Variants in RRN3 observed in about 807,000 individuals in gnomAD.
The protein encoded by RRN3 is RNA polymerase I transcription factor RRN3.
In RRN3, 38 loss-of-function variants were observed where a neutral mutation model predicts 82.3. The observed-to-expected ratio is 0.46, with a 90% CI of 0.36 to 0.61. RRN3 has a LOEUF of 0.61. RRN3 is among the 20% of genes least tolerant of loss of function. The pLI is 0.00. For synonymous variants in RRN3, 284 were observed against 284.3 expected, an observed-to-expected ratio of 1.00 and a Z score of 0.01; for missense variants, 726 against 793.1, an observed-to-expected ratio of 0.92 and a Z score of 1.02.
At chr16:15,078,469 G>A (rs1216584399) in intron 9 of RRN3, among the ~76,000 whole-genome samples, 1 of 151,996 alleles carries the variant, frequency 6.6e-6, no homozygotes, top group Non-Finnish European at 1.5e-5. Flanking sequence ...CGTCTTCACT[G>A]ACATGGTCCT....
At position 15,065,342 on chromosome 16, in the gene RRN3, A is replaced by G. The variant is rs191826683; in HGVS notation, c.1583T>C (p.Ile528Thr). 85 of 1,613,648 alleles carry G rather than the reference A, an allele frequency of 5.3e-5. No homozygotes were observed. The East Asian group carries it at 1.8e-3, about 34-fold the overall frequency. Residue 528 changes from isoleucine to threonine, a missense_variant, in exon 16 of 18, where the codon ATC becomes ACC. Around this residue, in one of 4 missense-constraint regions of RRN3, gnomAD observed 166 missense variants for 154.8 expected, o/e 1.07. Coordinates refer to ENST00000198767, the MANE Select transcript of RRN3 (RefSeq NM_018427.5). ...NKYQLVFCYT[I>T]IERNNRQMLP... ...CATCTGGCGATTGTTCCTCTCAATG[A>G]TGGTGTAGCAGAAGACGAGCTGGTA...
At chr16:15,065,103 T>G (rs2151761644) in intron 16 of RRN3, 116 bp downstream of exon 16, 1 of 1,044,254 alleles carries the variant, frequency 9.6e-7, no homozygotes, top group East Asian at 2.4e-5. Flanking sequence ...GAGGCGGAGC[T>G]TGCGGTAAGC....
At chr16:15,071,747 G>A (rs546573436) in intron 12 of RRN3, among the ~76,000 whole-genome samples, 24 of 152,242 alleles carry the variant, frequency 1.6e-4, no homozygotes, top group African/African-American at 4.6e-4. Context: ...CAGCCTGGGT[G>A]ACAGAGTGAG....
chr16:15,065,102 C>A (rs2044906477), intron 16 of RRN3, 117 bp downstream of exon 16: 5 of 1,031,682 alleles, frequency 4.8e-6, no homozygotes, highest in East Asian at 2.4e-5. Flanking sequence ...GGAGGCGGAG[C>A]TTGCGGTAAG....
intron 6 of RRN3, 129 bp downstream of exon 6, chr16:15,085,510 G>C (rs1234098699): frequency 2.5e-6 from 3 of 1,197,812 alleles, no homozygotes; most frequent in Admixed American, 4.9e-5. Flanking sequence ...CAGAGACAAG[G>C]TCTCACTATG....
At chr16:15,073,850 T>C (rs1228523341) in intron 11 of RRN3, among the ~76,000 whole-genome samples, 3 of 152,170 alleles carry the variant, frequency 2.0e-5, no homozygotes, top group East Asian at 1.9e-4. Context: ...CTTGAACTCC[T>C]GGCCTCAGTG....
At chr16:15,089,002 C>G (rs1567224487) in intron 3 of RRN3, among the ~76,000 whole-genome samples, 1 of 152,082 alleles carries the variant, frequency 6.6e-6, no homozygotes. Flanking sequence ...ATCTAACAGA[C>G]AGTTAAGAAA....
chr16:15,076,847 A>G (rs2045477577), intron 9 of RRN3, among the ~76,000 whole-genome samples, 197 bp from the exon 10 acceptor site: 2 of 152,170 alleles, frequency 1.3e-5, no homozygotes, highest in Admixed American at 6.5e-5. Flanking sequence ...AATATAATAA[A>G]CCAAGCCCCT....
intron 16 of RRN3, among the ~76,000 whole-genome samples, chr16:15,063,827 C>T (rs948487925): frequency 6.6e-6 from 1 of 152,030 alleles, no homozygotes; most frequent in Non-Finnish European, 1.5e-5. Flanking sequence ...TATTGAACTA[C>T]CGTTTTTCAT....
At chr16:15,084,485 C>T (rs1191664029) in intron 7 of RRN3, among the ~76,000 whole-genome samples, 157 bp downstream of exon 7, 2 of 152,096 alleles carry the variant, frequency 1.3e-5, no homozygotes, top group African/African-American at 4.8e-5. Flanking sequence ...AATGGAAATG[C>T]CACTTTTTGT....
intron 14 of RRN3, among the ~76,000 whole-genome samples, chr16:15,068,899 T>C (rs2045098475): frequency 6.6e-6 from 1 of 152,190 alleles, no homozygotes; most frequent in Admixed American, 6.5e-5. Context: ...TTAAGTATAT[T>C]TTCTTAGGAG....
At chr16:15,070,304 G>C (rs1160393258) in intron 13 of RRN3, 50 bp from the exon 14 acceptor site, 1 of 1,602,622 alleles carries the variant, frequency 6.2e-7, no homozygotes, top group East Asian at 2.2e-5. Flanking sequence ...AAAAAAACCA[G>C]AATAACATAA....
chr16:15,090,391 A>G (rs1288373434), intron 3 of RRN3, among the ~76,000 whole-genome samples: 1 of 152,228 alleles, frequency 6.6e-6, no homozygotes, highest in African/African-American at 2.4e-5. Flanking sequence ...AGACTGTTCT[A>G]AGTGCTTCTT....
chr16:15,062,051 C>A, intron 17 of RRN3, 146 bp from the exon 18 acceptor site: 1 of 753,534 alleles, frequency 1.3e-6, no homozygotes, highest in Non-Finnish European at 2.1e-6. Context: ...TAGTGGCACA[C>A]GCCTGTAGTC....
At chr16:15,070,410 A>C (rs1002462193) in intron 13 of RRN3, among the ~76,000 whole-genome samples, 156 bp from the exon 14 acceptor site, 2 of 151,730 alleles carry the variant, frequency 1.3e-5, no homozygotes, top group African/African-American at 2.4e-5. Flanking sequence ...CAAAGAAAGG[A>C]AGGATAAGGA....
chr16:15,065,285 T>C lies in RRN3; in HGVS notation c.1640A>G (p.Asp547Gly), dbSNP rs562268171. The change falls in exon 16 of 18, where the codon GAC becomes GGC. Residue 547 changes from aspartate to glycine, a missense_variant. Asp to Gly is a moderately conservative substitution (Grantham distance 94). Coordinates refer to ENST00000198767, the MANE Select transcript of RRN3 (RefSeq NM_018427.5). ...CGGGTTTGTGCAGATCTGCACTGAG[T>C]CTCCTCCAGCGGTACTCCTAATGAC... ...LPVIRSTAGG[D>G]SVQICTNPLD... is the part of the protein sequence containing the mutation. 2.5e-5 allele frequency: 40 copies of C among 1,613,578 alleles called. No homozygotes were observed. In the African/African-American group the frequency reaches 3.7e-4, roughly 15 times the overall value.
chr16:15,093,782 G>A (rs1441554991), intron 1 of RRN3, among the ~76,000 whole-genome samples: 1 of 152,164 alleles, frequency 6.6e-6, no homozygotes, highest in African/African-American at 2.4e-5. Context: ...TTTGCCATGA[G>A]TGACGACGTT....
At chr16:15,080,724 C>T (rs1269054093) in intron 8 of RRN3, among the ~76,000 whole-genome samples, 1 of 152,118 alleles carries the variant, frequency 6.6e-6, no homozygotes, top group Non-Finnish European at 1.5e-5. Flanking sequence ...GCCCAGCCAG[C>T]AATTTTGTAA....
intron 3 of RRN3, among the ~76,000 whole-genome samples, chr16:15,089,803 A>C (rs1480688357): frequency 6.6e-6 from 1 of 151,134 alleles, no homozygotes; most frequent in Admixed American, 6.6e-5. Flanking sequence ...AAAAAAAAAA[A>C]AAAAAAAACA....
Sources: allele counts gnomAD v4.1 joint callset (sites outside exome capture counted in the v4.1 genomes callset), GRCh38; gene constraint gnomAD v4.1.1; regional missense constraint gnomAD v4.1.1; transcripts MANE v1.5; gene names NCBI Gene and HGNC (gene_info 2026-07-23, HGNC 2026-07-21).